SCAP: variants seen among roughly 807,000 people sequenced by gnomAD.
SCAP encodes sterol regulatory element-binding protein cleavage-activating protein.
SCAP carries 65 observed loss-of-function variants against 123.6 expected under a neutral mutation model. The ratio of observed to expected loss-of-function variants is 0.53; its 90% CI spans 0.43 to 0.65. The LOEUF is 0.65. Ranked by LOEUF, SCAP falls within the 30% of genes least tolerant of loss-of-function variation. The pLI, the probability that SCAP is intolerant of heterozygous loss-of-function variation, is 0.00. For synonymous variants in SCAP, 740 were observed against 726.3 expected (o/e 1.02, Z -0.30); for missense variants, 1,398 against 1,712.5 (o/e 0.82, Z 3.24).
Position 47,439,567 on chromosome 3 carries a change from T to C in SCAP, c.122+3305A>G, listed in dbSNP as rs1457692152. On this transcript the variant is annotated intron_variant, in intron 2 of 22. Transcript: ENST00000265565. This position sits in a 1 kb window ranked among gnomAD's most constrained non-coding sequence, Gnocchi z 4.0. ...CAACTAACATGGCATCTGGGTGCTC[T>C]TTTTATCCCATGGCGCACCCACTGC... is the stretch of plus-strand genomic sequence containing the variant. 6.6e-6 allele frequency among the ~76,000 whole-genome samples: 1 copy of C among 152,190 alleles called. No individual in the cohort carries two copies. Among genetic ancestry groups the C allele is most frequent in the Non-Finnish European group, 1.5e-5 (1 of 68,024 alleles).
At chr3:47,472,463 T>TAAA (rs779809130) in intron 1 of SCAP, among the ~76,000 whole-genome samples, 2 of 130,616 alleles carry the variant, frequency 1.5e-5, no homozygotes, top group Admixed American at 1.5e-4. Context: ...TAAAATAAAA[T>TAAA]AATAATAATA....
rs1394933502 is a variant in SCAP at position 47,417,923 on chromosome 3, G to A, written c.2448-97C>T. The A allele has an allele frequency of 3.5e-5, 10 of 286,432 alleles. No individual in the cohort carries two copies. In the African/African-American group the frequency reaches 5.0e-4, roughly 14 times the overall value. The allele number at this position is 286,432 out of a possible 1,614,324, so 17.7% of individuals were successfully genotyped here. A position where few individuals can be genotyped will look rare whatever the true frequency, so the allele number is the denominator to read the frequency against. ...AGAGGGGGCGTGGGAGTGAGAAGGG[G>A]CAAGGGAAAAGGGGGTGGGGGGAGA... On this transcript the variant is annotated intron_variant, in intron 16 of 22. Transcript: ENST00000265565.
At chr3:47,443,766 T>G (rs1706917173) in intron 1 of SCAP, among the ~76,000 whole-genome samples, 1 of 152,186 alleles carries the variant, frequency 6.6e-6, no homozygotes, top group Non-Finnish European at 1.5e-5. Flanking sequence ...TCCCCTTCCA[T>G]AAGTTAACAG....
At chr3:47,452,776 G>C (rs1439037856) in intron 1 of SCAP, among the ~76,000 whole-genome samples, 1 of 152,094 alleles carries the variant, frequency 6.6e-6, no homozygotes, top group East Asian at 1.9e-4. Flanking sequence ...CCCACATCTT[G>C]AACATATGTC....
Position 47,419,505 on chromosome 3 carries a change from G to C in SCAP, c.1763C>G (p.Pro588Arg). 1.2e-6 allele frequency: 2 copies of C among 1,614,006 alleles called. No individual in the cohort carries two copies. Among genetic ancestry groups the C allele is most frequent in the Non-Finnish European group, 1.7e-6 (2 of 1,179,986 alleles). ...CTCGCCTGGCGACGTCTGGTTCTCA[G>C]GTAGCTTAGGGGCATCAGGTGGGAA... is the stretch of plus-strand genomic sequence containing the variant. Reference protein sequence around the residue: ...SIFPPDAPKLPENQTSPGESP... With the variant: ...SIFPPDAPKLRENQTSPGESP... The change falls in exon 13 of 23, where the codon CCT (proline) becomes CGT (arginine). Residue 588 changes from proline (P) to arginine (R), a missense_variant. By Grantham distance (103) the Pro-to-Arg change is moderately radical. Coordinates refer to ENST00000265565, the MANE Select transcript of SCAP (RefSeq NM_012235.4). This position sits in a 1 kb window ranked among gnomAD's most constrained non-coding sequence, Gnocchi z 5.0.
Position 47,419,343 on chromosome 3 carries a change from ATGT to A in SCAP, c.1922_1924del (p.Asn641del). On this transcript the variant is annotated inframe_deletion, in exon 13 of 23. Transcript: ENST00000265565. The surrounding 1 kb of genome is among the most constrained non-coding windows in gnomAD (Gnocchi z 5.0). ...CCCAGCTCACCTCTTGGCCAGTGTGATGTTGTAATAGCTGAAGAGCGTCGGCCA... is the reference window on the plus strand; with the variant it reads ...CCCAGCTCACCTCTTGGCCAGTGTGATGTAATAGCTGAAGAGCGTCGGCCA... 6.2e-7 allele frequency: 1 copy of A among 1,611,794 alleles called. No homozygotes were observed. Among genetic ancestry groups the A allele is most frequent in the Non-Finnish European group, 8.5e-7 (1 of 1,178,892 alleles).
intron 13 of SCAP, 101 bp from the exon 14 acceptor site, chr3:47,418,944 G>C: frequency 8.0e-7 from 1 of 1,247,396 alleles, no homozygotes. Flanking sequence ...GCAGGCCTCA[G>C]CTCCACCGGC....
At chr3:47,443,163 C>T (rs575138913) in intron 1 of SCAP, 72 bp from the exon 2 acceptor site, 34 of 1,205,968 alleles carry the variant, frequency 2.8e-5, no homozygotes, top group Middle Eastern at 6.0e-4. Flanking sequence ...TGGAGGGAGG[C>T]GATAGTTATG....
chr3:47,427,640 C>T lies in SCAP; in HGVS notation c.438G>A (p.Leu146=), dbSNP rs763495586. 7.4e-6 allele frequency: 12 copies of T among 1,613,980 alleles called. No individual in the cohort carries two copies. Among genetic ancestry groups the T allele is most frequent in the Non-Finnish European group, 9.3e-6 (11 of 1,180,012 alleles). The change falls in exon 5 of 23, where the codon TTG becomes TTA. Residue 146 remains leucine (L), a synonymous_variant. Coordinates refer to ENST00000265565, the MANE Select transcript of SCAP (RefSeq NM_012235.4). ...DSSGIRSLEE[L]CLQVTDLLPG... ...GCAGCAGGTCGGTCACTTGCAGACA[C>T]AACTCCTCCAAGCTCCTGATCCCAG...
intron 1 of SCAP, among the ~76,000 whole-genome samples, chr3:47,460,380 T>C (rs1707585873): frequency 1.3e-5 from 2 of 152,198 alleles, no homozygotes; most frequent in South Asian, 2.1e-4. Flanking sequence ...GTTCAGAGAT[T>C]GAAGTAAAGA....
At chr3:47,431,354 A>G (rs1284567105) in intron 3 of SCAP, among the ~76,000 whole-genome samples, 2 of 13,846 alleles carry the variant, frequency 1.4e-4, no homozygotes, top group African/African-American at 2.9e-4. Flanking sequence ...AGGACATTTC[A>G]TCTCTGTAGT....
intron 1 of SCAP, among the ~76,000 whole-genome samples, chr3:47,459,842 G>A (rs1321500263): frequency 3.3e-5 from 5 of 152,110 alleles, no homozygotes; most frequent in Non-Finnish European, 7.4e-5. Context: ...TTACCAGGGC[G>A]GAGTTTCCCA....
In SCAP at chr3:47,447,680, C is replaced by T. The variant is rs960151695; in HGVS notation, c.-98-4589G>A. Among the ~76,000 whole-genome samples the T allele has an allele frequency of 6.7e-5, 10 of 149,348 alleles. No individual in the cohort carries two copies. The South Asian group carries it at 1.1e-3, about 16-fold the overall frequency. ...CTCCAGCCTGGGCAATACAGCGAGA[C>T]TCTGACTCAAAAAAAAAAAGAAAAG... On this transcript the variant is annotated intron_variant, in intron 1 of 22. Transcript: ENST00000265565.
At position 47,414,195 on chromosome 3, in the gene SCAP, G is replaced by C. The variant is rs1002881726; in HGVS notation, c.3579C>G (p.Phe1193Leu). 2 of 1,613,698 alleles carry C rather than the reference G, an allele frequency of 1.2e-6. No homozygotes were observed. The highest frequency in any genetic ancestry group is 2.2e-5 in the South Asian group (2 of 91,084). Residue 1193 changes from phenylalanine to leucine, a missense_variant, in exon 22 of 23, where the codon TTC (phenylalanine) becomes TTG (leucine). Around this residue, in one of 7 missense-constraint regions of SCAP, gnomAD observed 130 missense variants for 166.7 expected, o/e 0.78. Transcript: ENST00000265565. ...SIWDRSTGIK[F>L]YSIQQDLGCG... ...TCCCCTCTACCTGCTGAATGGAGTA[G>C]AACTTGATGCCTGTGCTGCGGTCCC...
chr3:47,466,136 C>A (rs78968869), intron 1 of SCAP, among the ~76,000 whole-genome samples: 2,223 of 95,698 alleles, frequency 0.023, 30 homozygotes, highest in African/African-American at 0.049. Context: ...TCTTAAAAAC[C>A]AAAAAAAAAA....
intron 1 of SCAP, among the ~76,000 whole-genome samples, chr3:47,447,035 T>C (rs1707070253): frequency 6.6e-6 from 1 of 152,226 alleles, no homozygotes; most frequent in African/African-American, 2.4e-5. Flanking sequence ...GGTCTAAAGA[T>C]AGCCAATTGT....
chr3:47,418,626 T>TTGGC, intron 14 of SCAP, 29 bp downstream of exon 14: 3 of 1,459,564 alleles, frequency 2.1e-6, no homozygotes, highest in Non-Finnish European at 2.8e-6. Flanking sequence ...CCGCACTCTT[T>TTGGC]CCCACCCCAC....
rs759217970 is a variant in SCAP, at chr3:47,427,483, C to T, written c.595G>A (p.Glu199Lys). The T allele has an allele frequency of 8.7e-6, 14 of 1,614,052 alleles. No individual in the cohort carries two copies. Among genetic ancestry groups the T allele is most frequent in the Admixed American group, 6.7e-5 (4 of 59,994 alleles). ...PDIIGTIHQH[E>K]PKTLQTSATL... ...GCTGAAGTCTGCAGGGTTTTAGGCT[C>T]GTGCTGGTGGATGGTCCCAATGATG... is the stretch of plus-strand genomic sequence containing the variant. The change falls in exon 5 of 23, where the codon GAG becomes AAG. Residue 199 changes from glutamate to lysine, a missense_variant. By Grantham distance (56) the Glu-to-Lys change is moderately conservative. Transcript: ENST00000265565.
chr3:47,464,612 C>T (rs1707759838), intron 1 of SCAP, among the ~76,000 whole-genome samples: 1 of 152,102 alleles, frequency 6.6e-6, no homozygotes, highest in Non-Finnish European at 1.5e-5. Flanking sequence ...ATATCCTCAA[C>T]ATAATAAAGG....
Sources: allele counts gnomAD v4.1 joint callset (sites outside exome capture counted in the v4.1 genomes callset), GRCh38; gene constraint gnomAD v4.1.1; regional missense constraint gnomAD v4.1.1; non-coding constraint Gnocchi (gnomAD v3.1); transcripts MANE v1.5; gene names NCBI Gene and HGNC (gene_info 2026-07-23, HGNC 2026-07-21).